The following PCYT1B variants were observed in gnomAD, a reference collection of about 807,000 sequenced individuals.
The protein encoded by PCYT1B is choline-phosphate cytidylyltransferase B.
A neutral mutation model predicts 26.4 loss-of-function variants in PCYT1B; 10 were observed. The observed-to-expected ratio is 0.38, with a 90% CI of 0.23 to 0.64. The LOEUF (loss-of-function observed/expected upper bound fraction) is 0.64. Among genes scored for constraint, PCYT1B ranks in the 30% least tolerant of loss-of-function variants. PCYT1B has a pLI of 0.56. For missense variants in PCYT1B, 161 were observed against 292.7 expected (o/e 0.55, Z 3.28); for synonymous variants, 131 against 108.4 (o/e 1.21, Z -1.29).
chrX:24,649,525 C>T (rs1926720753), upstream of PCYT1B, among the ~76,000 whole-genome samples: 1 of 111,728 alleles, frequency 9.0e-6, no homozygotes, highest in African/African-American at 3.3e-5. Flanking sequence ...CACCTAAACC[C>T]CACTGTATTC....
At chrX:24,617,820 C>T (rs887704676) in intron 2 of PCYT1B, among the ~76,000 whole-genome samples, 6 of 111,513 alleles carry the variant, frequency 5.4e-5, no homozygotes, top group Admixed American at 1.9e-4. Context: ...TCCCAATCAA[C>T]TAAAACAACA....
intron 1 of PCYT1B, among the ~76,000 whole-genome samples, chrX:24,661,191 C>T (rs988708936): frequency 9.8e-5 from 11 of 111,956 alleles, no homozygotes; most frequent in African/African-American, 3.6e-4. Flanking sequence ...GTTCATAATA[C>T]TATCAAAAGT....
At chrX:24,602,736 A>G (rs1925007331) in intron 3 of PCYT1B, among the ~76,000 whole-genome samples, 1 of 112,518 alleles carries the variant, frequency 8.9e-6, no homozygotes, top group South Asian at 3.7e-4. Flanking sequence ...ACAATATTCC[A>G]GAATTTACAT....
chrX:24,586,320 G>A lies in PCYT1B; in HGVS notation c.565+921C>T, dbSNP rs1377535217. On this transcript the variant is annotated intron_variant, in intron 5 of 7. Coordinates refer to ENST00000379144, the MANE Select transcript of PCYT1B (RefSeq NM_004845.5). ...CATCATGGGGAATGTAAAAGCATCA[G>A]TTCTGCCAGGAGCTGGCAATGATGC... Among the ~76,000 whole-genome samples the A allele has an allele frequency of 3.5e-5, 4 of 112,829 alleles. No homozygotes were observed. The Admixed American group carries it at 3.7e-4, about 11-fold the overall frequency.
At chrX:24,671,333 G>GAATC (rs1183253276) in intron 1 of PCYT1B, among the ~76,000 whole-genome samples, 178 of 65,440 alleles carry the variant, frequency 2.7e-3, no homozygotes, top group South Asian at 0.022. Flanking sequence ...ATGAATGAAT[G>GAATC]AATGAATGAA....
chrX:24,624,568 G>A (rs1259174863), intron 1 of PCYT1B, among the ~76,000 whole-genome samples: 4 of 111,638 alleles, frequency 3.6e-5, no homozygotes, highest in Non-Finnish European at 7.5e-5. Flanking sequence ...TTCCCCAATG[G>A]ACTGCACCAA....
rs768832359 is a variant in PCYT1B, at chrX:24,558,250, G to C, written c.*4043C>G. On this transcript the variant is annotated 3_prime_UTR_variant, in exon 8 of 8. Transcript: ENST00000379144. ...ACCAGAGTAAATGCTTGGGCATAAG[G>C]TCGTGCTTTAACCCAGACAGGTCTT... The C allele has an allele frequency of 4.5e-5, 5 of 112,067 alleles. No individual in the cohort carries two copies. The East Asian group carries it at 1.4e-3, about 31-fold the overall frequency. The allele number at this position is 112,067 out of a possible 1,213,427, so 9.2% of individuals were successfully genotyped here. A position where few individuals can be genotyped will look rare whatever the true frequency, so the allele number is the denominator to read the frequency against.
intron 1 of PCYT1B, among the ~76,000 whole-genome samples, chrX:24,653,651 C>T (rs1198052757): frequency 9.0e-6 from 1 of 111,347 alleles, no homozygotes; most frequent in East Asian, 2.8e-4. Flanking sequence ...GGAATCGGAT[C>T]ATCTCCCAAA....
At chrX:24,634,267 A>C (rs774753227) in intron 1 of PCYT1B, among the ~76,000 whole-genome samples, 2 of 111,564 alleles carry the variant, frequency 1.8e-5, no homozygotes, top group Non-Finnish European at 3.8e-5. Context: ...TTCTGTCCAC[A>C]TCAAATACAT....
rs1290167499 is a variant in PCYT1B at position 24,562,272 on chromosome X, G to A, written c.*21C>T. 2.6e-6 allele frequency: 3 copies of A among 1,153,060 alleles called. No individual in the cohort carries two copies. The highest frequency in any genetic ancestry group is 3.6e-5 in the African/African-American group (2 of 55,738). On this transcript the variant is annotated 3_prime_UTR_variant, in exon 8 of 8. Transcript: ENST00000379144. ...CCTCCTCCCCATCCTGCATGGTGCG[G>A]CTCTTGCCTCCCAGCAGCCTCTACT...
At chrX:24,606,556 T>C (rs992979994) in intron 3 of PCYT1B, among the ~76,000 whole-genome samples, 1 of 108,344 alleles carries the variant, frequency 9.2e-6, no homozygotes, top group African/African-American at 3.6e-5. Flanking sequence ...GAAGAGTTCC[T>C]CTTAAATGTC....
chrX:24,666,943 C>T (rs1156488257), intron 1 of PCYT1B, among the ~76,000 whole-genome samples: 1 of 109,759 alleles, frequency 9.1e-6, no homozygotes. Flanking sequence ...ACAAGAGACA[C>T]TCACAAGTCT....
At chrX:24,623,367 A>ATATATATATG (rs1484095848) in intron 1 of PCYT1B, among the ~76,000 whole-genome samples, 22 of 13,740 alleles carry the variant, frequency 1.6e-3, no homozygotes, top group Admixed American at 2.2e-3. Context: ...AGATTTACAT[A>ATATATATATG]TATATATATA....
intron 1 of PCYT1B, among the ~76,000 whole-genome samples, chrX:24,629,588 A>AAAC (rs1285793683): frequency 3.8e-4 from 37 of 97,486 alleles, no homozygotes; most frequent in African/African-American, 1.4e-3. Context: ...AAAAAAAAAA[A>AAAC]AACAACACGT....
At chrX:24,562,710 A>C (rs1602143031) in intron 7 of PCYT1B, among the ~76,000 whole-genome samples, 1 of 99,070 alleles carries the variant, frequency 1.0e-5, no homozygotes. Flanking sequence ...GATTACAGTC[A>C]CCACTGGTTC....
At chrX:24,616,398 T>C (rs1212126238) in intron 2 of PCYT1B, among the ~76,000 whole-genome samples, 3 of 109,406 alleles carry the variant, frequency 2.7e-5, no homozygotes, top group Non-Finnish European at 3.8e-5. Flanking sequence ...CCACCACGCC[T>C]GGCTAATTTT....
chrX:24,598,225 A>G (rs1924846561), intron 3 of PCYT1B, among the ~76,000 whole-genome samples: 1 of 112,118 alleles, frequency 8.9e-6, no homozygotes, highest in Admixed American at 9.5e-5. Flanking sequence ...ATCAACTTAT[A>G]TCATAAAATA....
intron 3 of PCYT1B, among the ~76,000 whole-genome samples, chrX:24,598,282 G>A (rs1924848257): frequency 9.0e-6 from 1 of 111,452 alleles, no homozygotes; most frequent in South Asian, 3.7e-4. Context: ...TGTCTATAAT[G>A]TTTATTTTCT....
chrX:24,600,126 C>T (rs1924912212), intron 3 of PCYT1B, among the ~76,000 whole-genome samples: 1 of 110,918 alleles, frequency 9.0e-6, no homozygotes, highest in Admixed American at 9.7e-5. Context: ...GGTCTGGTCT[C>T]GAACTCTTGA....
Sources: allele counts gnomAD v4.1 joint callset (sites outside exome capture counted in the v4.1 genomes callset), GRCh38; gene constraint gnomAD v4.1.1; transcripts MANE v1.5; gene names NCBI Gene and HGNC (gene_info 2026-07-23, HGNC 2026-07-21).